SAXO5: variants seen among roughly 807,000 people sequenced by gnomAD.
The protein encoded by SAXO5 is testis expressed 45.
chr19:7,505,971 C>T, the SAXO5 span: 1 of 1,584,698 alleles, frequency 6.3e-7, no homozygotes, highest in Non-Finnish European at 8.6e-7. Flanking sequence ...CAGCCGCCAC[C>T]CCCGACCCAG....
the SAXO5 span, chr19:7,501,091 C>A: frequency 5.3e-6 from 8 of 1,500,682 alleles, no homozygotes; most frequent in Non-Finnish European, 7.1e-6. Flanking sequence ...CCGCCGCCAT[C>A]CACGCCGCCG....
the SAXO5 span, among the ~76,000 whole-genome samples, chr19:7,498,691 G>A: frequency 2.6e-5 from 4 of 152,072 alleles, no homozygotes; most frequent in Non-Finnish European, 4.4e-5. Flanking sequence ...CACTGCACCC[G>A]TCTGATCCAT....
At chr19:7,502,440 A>G in the SAXO5 span, among the ~76,000 whole-genome samples, 1 of 152,180 alleles carries the variant, frequency 6.6e-6, no homozygotes, top group African/African-American at 2.4e-5. Context: ...AAAGATGGGC[A>G]GAGGTGCTAC....
At chr19:7,504,331 G>A in the SAXO5 span, 1 of 1,614,080 alleles carries the variant, frequency 6.2e-7, no homozygotes, top group African/African-American at 1.3e-5. Context: ...GAGTGGAGCT[G>A]GGAGACTGCA....
At chr19:7,499,637 C>T in the SAXO5 span, 1 of 152,394 alleles carries the variant, frequency 6.6e-6, no homozygotes, top group African/African-American at 2.4e-5. Context: ...AGCAAATGAC[C>T]ACCTCCCTGA....
the SAXO5 span, among the ~76,000 whole-genome samples, chr19:7,500,359 T>C: frequency 6.6e-6 from 1 of 152,100 alleles, no homozygotes; most frequent in African/African-American, 2.4e-5. Context: ...TGGAGTGCAA[T>C]GGCACAATCT....
chr19:7,506,589 A>T, the SAXO5 span: 1 of 342,814 alleles, frequency 2.9e-6, no homozygotes, highest in South Asian at 2.3e-5. Flanking sequence ...CCCTGCCCAC[A>T]GACTCATCTG....
the SAXO5 span, among the ~76,000 whole-genome samples, chr19:7,499,100 T>G: frequency 6.6e-6 from 1 of 151,488 alleles, no homozygotes; most frequent in Non-Finnish European, 1.5e-5. Flanking sequence ...TCACTTGAGG[T>G]CAGGAGTTCG....
the SAXO5 span, among the ~76,000 whole-genome samples, chr19:7,503,528 A>G: frequency 6.6e-6 from 1 of 151,530 alleles, no homozygotes; most frequent in South Asian, 2.1e-4. Flanking sequence ...TCTGTGGCCC[A>G]GGCTGGAGTG....
chr19:7,503,681 C>T, the SAXO5 span, among the ~76,000 whole-genome samples: 2 of 152,166 alleles, frequency 1.3e-5, no homozygotes, highest in Admixed American at 6.5e-5. Context: ...GATGGGGTTT[C>T]ACCGTATTGA....
chr19:7,505,496 C>A, the SAXO5 span: 2 of 1,613,936 alleles, frequency 1.2e-6, no homozygotes, highest in Non-Finnish European at 1.7e-6. Context: ...GGCAGCTCTG[C>A]ACCTGTTCCG....
chr19:7,506,209 G>GAGCCCCGCCCCAT, the SAXO5 span: 1 of 1,272,616 alleles, frequency 7.9e-7, no homozygotes, highest in Non-Finnish European at 1.0e-6. Flanking sequence ...CCCCGCCCCG[G>GAGCCCCGCCCCAT]GAAGCCCCAC....
At chr19:7,505,753 T>C in the SAXO5 span, 1 of 1,022,514 alleles carries the variant, frequency 9.8e-7, no homozygotes, top group East Asian at 2.6e-5. Flanking sequence ...TGTACTTGAG[T>C]GATCTAGGGC....
the SAXO5 span, chr19:7,508,271 C>G: frequency 2.7e-5 from 44 of 1,613,986 alleles, no homozygotes; most frequent in Non-Finnish European, 1.4e-5. Flanking sequence ...AATACAAGGA[C>G]GAGTTTCCTT....
chr19:7,507,688 G>C, the SAXO5 span, among the ~76,000 whole-genome samples: 1 of 152,016 alleles, frequency 6.6e-6, no homozygotes, highest in Non-Finnish European at 1.5e-5. Context: ...TACCCAAGAC[G>C]AGGGTTAATT....
At chr19:7,505,430 G>T in the SAXO5 span, 4 of 1,614,126 alleles carry the variant, frequency 2.5e-6, no homozygotes, top group Non-Finnish European at 3.4e-6. Flanking sequence ...CTATGCCAGG[G>T]AGCCAGGTGA....
the SAXO5 span, chr19:7,501,512 C>T: frequency 1.6e-6 from 2 of 1,249,470 alleles, no homozygotes; most frequent in Non-Finnish European, 2.1e-6. Flanking sequence ...TGTCTGGAAA[C>T]GCTTTTGGTG....
the SAXO5 span, among the ~76,000 whole-genome samples, chr19:7,507,723 C>T: frequency 6.6e-6 from 1 of 152,174 alleles, no homozygotes. Context: ...ATCACCCCAG[C>T]CCTGGAGTCC....
chr19:7,499,047 C>T, the SAXO5 span: 1 of 152,614 alleles, frequency 6.6e-6, no homozygotes. Flanking sequence ...CACAGTGGCT[C>T]ACACCTGTCA....
Sources: gnomAD v4.1 joint callset for allele counts (sites outside exome capture counted in the v4.1 genomes callset) on GRCh38, gnomAD v4.1.1 for gene constraint, MANE v1.5 for transcripts, NCBI Gene and HGNC (gene_info 2026-07-23, HGNC 2026-07-21) for gene names.